The following SPTBN2 variants were observed in gnomAD, a reference collection of about 807,000 sequenced individuals.
SPTBN2 encodes the protein spectrin beta, non-erythrocytic 2, also known as spectrin beta chain, non-erythrocytic 2.
In SPTBN2, 107 loss-of-function variants were observed where a neutral mutation model predicts 284.2. That is an observed-to-expected ratio of 0.38 (90% confidence interval 0.32 to 0.44). The LOEUF (loss-of-function observed/expected upper bound fraction) is 0.44, where lower values mean the gene tolerates loss of function less well. Ranked by LOEUF, SPTBN2 falls within the 20% of genes least tolerant of loss-of-function variation. The pLI, the probability that SPTBN2 is intolerant of heterozygous loss-of-function variation, is 1.00. For synonymous variants in SPTBN2, 1,289 were observed against 1,354.8 expected (o/e 0.95, Z 1.07); for missense variants, 2,569 against 3,287.1 (o/e 0.78, Z 5.34).
At position 66,684,984 on chromosome 11, in the gene SPTBN2, A is replaced by C. The variant is rs1940017978; in HGVS notation, c.*887T>G. On this transcript the variant is annotated 3_prime_UTR_variant, in exon 38 of 38. Transcript: ENST00000533211. ...GGGAAGGAGTCCCTCATTGCTTTTT[A>C]ACATGAATACTGCTTGTTGACATCA... 6.6e-6 allele frequency among the ~76,000 whole-genome samples: 1 copy of C among 152,244 alleles called. No individual in the cohort carries two copies. Among genetic ancestry groups the C allele is most frequent in the South Asian group, 2.1e-4 (1 of 4,834 alleles).
rs897588630 is a variant in SPTBN2, at chr11:66,705,400, G to A, written c.1876C>T (p.Leu626=). Reference sequence around the variant, plus strand: ...CGCCGCGCCGCTGCCAACTCGCACAGTGCCTCATAGCTCTGCTCTAGCTTG... The same window carrying A: ...CGCCGCGCCGCTGCCAACTCGCACAATGCCTCATAGCTCTGCTCTAGCTTG... The part of the protein sequence containing the change: ...VAKLEQSYEA[L]CELAAARRAR... Residue 626 remains leucine, a synonymous_variant, in exon 15 of 38, where the codon CTG becomes TTG. Coordinates refer to ENST00000533211, the MANE Select transcript of SPTBN2 (RefSeq NM_006946.4). 12 of 1,613,028 alleles carry A rather than the reference G, an allele frequency of 7.4e-6. No homozygotes were observed. The highest frequency in any genetic ancestry group is 1.0e-5 in the Non-Finnish European group (12 of 1,180,010).
In SPTBN2 at chr11:66,708,997, C is replaced by G; in HGVS notation, c.1096G>C (p.Glu366Gln). 2 of 1,613,970 alleles carry G rather than the reference C, an allele frequency of 1.2e-6. No individual in the cohort carries two copies. Among genetic ancestry groups the G allele is most frequent in the Non-Finnish European group, 1.7e-6 (2 of 1,179,964 alleles). The change falls in exon 11 of 38, where the codon GAA becomes CAA. Residue 366 changes from glutamate (E) to glutamine (Q), a missense_variant. Glu to Gln is a conservative substitution (Grantham distance 29). Coordinates refer to ENST00000533211, the MANE Select transcript of SPTBN2 (RefSeq NM_006946.4). The surrounding 1 kb of genome is among the most constrained non-coding windows in gnomAD (Gnocchi z 4.4). ...CTCTGGATGGTGAAGAGCAGCACTT[C>G]CAAGTTCCCTTTCTCGGTAAACCTG... ...PPKFTEKGNLEVLLFTIQSKL... is the reference protein window; with the variant it reads ...PPKFTEKGNLQVLLFTIQSKL...
intron 26 of SPTBN2, 77 bp downstream of exon 26, chr11:66,692,459 G>C (rs556179639): frequency 6.4e-7 from 1 of 1,551,466 alleles, no homozygotes; most frequent in South Asian, 1.1e-5. Context: ...CTCTGCCTGG[G>C]ACTAGGTCCT....
At position 66,704,813 on chromosome 11, in the gene SPTBN2, G is replaced by A. The variant is rs946307634; in HGVS notation, c.2463C>T (p.Pro821=). 27 of 1,605,870 alleles carry A rather than the reference G, an allele frequency of 1.7e-5. No homozygotes were observed. Among genetic ancestry groups the A allele is most frequent in the African/African-American group, 2.7e-5 (2 of 74,892 alleles). ...GGGTGGGCACCCGGCTCTGCACCTCGGGCGTGCGGCTCAGTGTGGGGGGCA... is the reference window on the plus strand; with the variant it reads ...GGGTGGGCACCCGGCTCTGCACCTCAGGCGTGCGGCTCAGTGTGGGGGGCA... ...AALPPTLSRT[P]EVQSRVPTLE... is the part of the protein sequence containing the mutation. The change falls in exon 15 of 38, where the codon CCC becomes CCT. Residue 821 remains proline (P), a synonymous_variant. Transcript: ENST00000533211.
At chr11:66,741,206 G>C (rs1002204230) in intron 1 of SPTBN2, among the ~76,000 whole-genome samples, 4 of 152,190 alleles carry the variant, frequency 2.6e-5, no homozygotes, top group African/African-American at 7.2e-5. Flanking sequence ...GGACCAGGCG[G>C]AGATAATTCA....
chr11:66,705,638 C>T (rs1941502803), intron 14 of SPTBN2, 46 bp downstream of exon 14: 1 of 1,606,672 alleles, frequency 6.2e-7, no homozygotes, highest in African/African-American at 1.3e-5. Context: ...TCTTGATGTG[C>T]TCCTTCCCAG....
At position 66,714,073 on chromosome 11, in the gene SPTBN2, C is replaced by A. The variant is rs746746932; in HGVS notation, c.656+18G>T. 1 of 1,613,908 alleles carries A rather than the reference C, an allele frequency of 6.2e-7. No homozygotes were observed. The highest frequency in any genetic ancestry group is 1.3e-5 in the African/African-American group (1 of 74,938). ...CGACCCAGCAGCTCTGCTGCGTTTG[C>A]TAACCCCATCTTCTCACCGGTGTTT... On this transcript the variant is annotated intron_variant, in intron 7 of 37. Transcript: ENST00000533211.
intron 20 of SPTBN2, among the ~76,000 whole-genome samples, chr11:66,697,747 G>A (rs1398740614): frequency 3.3e-5 from 5 of 152,150 alleles, no homozygotes; most frequent in South Asian, 2.1e-4. Flanking sequence ...CTCTGGATTC[G>A]ATTTAGCTAC....
chr11:66,682,498 A>G lies in SPTBN2; in HGVS notation c.*3373T>C, dbSNP rs1006222022. Among the ~76,000 whole-genome samples the G allele has an allele frequency of 1.3e-5, 2 of 152,270 alleles. No homozygotes were observed. The highest frequency in any genetic ancestry group is 4.8e-5 in the African/African-American group (2 of 41,470). On this transcript the variant is annotated 3_prime_UTR_variant, in exon 38 of 38. Coordinates refer to ENST00000533211, the MANE Select transcript of SPTBN2 (RefSeq NM_006946.4). ...AACACATTTAAAAAGTCATCAAAAT[A>G]GTTGAAATTCACTTTAATGATACTT... is the stretch of plus-strand genomic sequence containing the variant.
At chr11:66,694,751 C>T (rs915017087) in intron 21 of SPTBN2, among the ~76,000 whole-genome samples, 1 of 152,230 alleles carries the variant, frequency 6.6e-6, no homozygotes, top group Admixed American at 6.5e-5. Context: ...ATCCCCAATC[C>T]ATCGTGGCCC....
Position 66,686,020 on chromosome 11 carries a change from C to T in SPTBN2, c.7024G>A (p.Val2342Met). Residue 2342 changes from valine (V) to methionine (M), a missense_variant, in exon 38 of 38, where the codon GTG (valine) becomes ATG (methionine). Around this residue, in one of 6 missense-constraint regions of SPTBN2, gnomAD observed 1,130 missense variants for 1,317.3 expected, o/e 0.86. Coordinates refer to ENST00000533211, the MANE Select transcript of SPTBN2 (RefSeq NM_006946.4). ...GTCATGCCCCGGGTGGTGCTGGGCA[C>T]CACCGGCTCTTCAGGCTCTCCAGAG... ...SASGEPEEPV[V>M]PSTTRGMTRA... 1 of 1,613,734 alleles carries T rather than the reference C, an allele frequency of 6.2e-7. No homozygotes were observed. The highest frequency in any genetic ancestry group is 8.5e-7 in the Non-Finnish European group (1 of 1,180,024).
chr11:66,693,960 TG>T lies in SPTBN2; in HGVS notation c.4504-100del. 2 of 1,338,362 alleles carry T rather than the reference TG, an allele frequency of 1.5e-6. No homozygotes were observed. Among genetic ancestry groups the T allele is most frequent in the Non-Finnish European group, 2.1e-6 (2 of 957,522 alleles). 82.9% of individuals were successfully genotyped at this position (1,338,362 alleles called of 1,614,324 possible). The stretch of plus-strand genomic sequence containing the variant: ...GGACACCTGGGGCTACCGCCCTGTG[TG>T]TGGGGAACAGTCATCTCTGGTTCTG... On this transcript the variant is annotated intron_variant, in intron 22 of 37. Transcript: ENST00000533211. This position sits in a 1 kb window ranked among gnomAD's most constrained non-coding sequence, Gnocchi z 5.7.
chr11:66,693,324 G>A lies in SPTBN2; in HGVS notation c.4716C>T (p.Arg1572=). The change falls in exon 24 of 38, where the codon CGC becomes CGT. Residue 1572 remains arginine, a synonymous_variant. Coordinates refer to ENST00000533211, the MANE Select transcript of SPTBN2 (RefSeq NM_006946.4). This position sits in a 1 kb window ranked among gnomAD's most constrained non-coding sequence, Gnocchi z 5.7. ...ELAELQEMWK[R]LGHELELRGK... ...CTCGAAGTTCCAGCTCGTGGCCCAGGCGTTTCCACATTTCCTGCAGCTCAG... is the reference window on the plus strand; with the variant it reads ...CTCGAAGTTCCAGCTCGTGGCCCAGACGTTTCCACATTTCCTGCAGCTCAG... The A allele has an allele frequency of 1.2e-6, 2 of 1,611,672 alleles. No individual in the cohort carries two copies. Among genetic ancestry groups the A allele is most frequent in the South Asian group, 2.2e-5 (2 of 91,090 alleles).
intron 36 of SPTBN2, 86 bp from the exon 37 acceptor site, chr11:66,686,526 A>G: frequency 6.8e-7 from 1 of 1,462,726 alleles, no homozygotes; most frequent in Admixed American, 1.7e-5. Flanking sequence ...ATGACCCAAC[A>G]CCAGGCTGGG....
rs373141657 is a variant in SPTBN2 at position 66,689,031 on chromosome 11, G to A, written c.6034+65C>T. On this transcript the variant is annotated intron_variant, in intron 30 of 37. Transcript: ENST00000533211. ...CAGGGTTCCTAGTCTCACCTACTCT[G>A]GAACCCACAGGGTGCAGGATGCCCC... 71 of 1,541,268 alleles carry A rather than the reference G, an allele frequency of 4.6e-5. No homozygotes were observed. The East Asian group carries it at 5.7e-4, about 12-fold the overall frequency.
At chr11:66,739,806 C>A (rs187319229) in intron 1 of SPTBN2, among the ~76,000 whole-genome samples, 1 of 152,294 alleles carries the variant, frequency 6.6e-6, no homozygotes, top group Non-Finnish European at 1.5e-5. Flanking sequence ...CTGAGACAGG[C>A]AGATCACATG....
intron 1 of SPTBN2, among the ~76,000 whole-genome samples, chr11:66,740,498 T>C (rs1033991270): frequency 9.2e-5 from 14 of 152,104 alleles, no homozygotes; most frequent in Non-Finnish European, 4.4e-5. Context: ...AGGTGAGTGG[T>C]GAAGCTGCCC....
chr11:66,728,931 G>C lies in SPTBN2; in HGVS notation c.-304C>G, dbSNP rs1019814404. ...TCGCTCTCGCGTCCTCCTTCAGGCA[G>C]CTGGGCCGGCTCTCCCTCCCAGAAC... On this transcript the variant is annotated 5_prime_UTR_variant, in exon 1 of 38. Transcript: ENST00000533211. 4 of 152,708 alleles carry C rather than the reference G, an allele frequency of 2.6e-5. No homozygotes were observed. The highest frequency in any genetic ancestry group is 9.7e-5 in the African/African-American group (4 of 41,428). The allele number at this position is 152,708 out of a possible 1,614,324, so 9.5% of individuals were successfully genotyped here.
At position 66,713,233 on chromosome 11, in the gene SPTBN2, A is replaced by G. The variant is rs944374198; in HGVS notation, c.772+398T>C. Among the ~76,000 whole-genome samples, 7 of 151,416 alleles carry G rather than the reference A, an allele frequency of 4.6e-5. No individual in the cohort carries two copies. In the South Asian group the frequency reaches 6.3e-4, roughly 14 times the overall value. On this transcript the variant is annotated intron_variant, in intron 8 of 37. Coordinates refer to ENST00000533211, the MANE Select transcript of SPTBN2 (RefSeq NM_006946.4). ...CAGTCTTTTGTTAAAAAAAAAAAAAACCTGAGAAATGATTGTCACACCATA... is the reference window on the plus strand; with the variant it reads ...CAGTCTTTTGTTAAAAAAAAAAAAAGCCTGAGAAATGATTGTCACACCATA...
Sources: gnomAD v4.1 joint callset for allele counts (sites outside exome capture counted in the v4.1 genomes callset) on GRCh38, gnomAD v4.1.1 for gene constraint, gnomAD v4.1.1 regional missense constraint, Gnocchi (gnomAD v3.1) non-coding constraint, MANE v1.5 for transcripts, NCBI Gene and HGNC (gene_info 2026-07-23, HGNC 2026-07-21) for gene names.